The following LINGO1 variants were observed in gnomAD, a reference collection of about 807,000 sequenced individuals.
The protein encoded by LINGO1 is leucine rich repeat and Ig domain containing 1, also known as leucine-rich repeat and immunoglobulin-like domain-containing nogo receptor-interacting protein 1.
A neutral mutation model predicts 37.3 loss-of-function variants in LINGO1; 11 were observed. The ratio of observed to expected loss-of-function variants is 0.29; its 90% CI spans 0.19 to 0.49. The LOEUF (loss-of-function observed/expected upper bound fraction) is 0.49. Ranked by LOEUF, LINGO1 falls within the 20% of genes least tolerant of loss-of-function variation. LINGO1 has a pLI of 0.99. For synonymous variants in LINGO1, 387 were observed against 403.0 expected (o/e 0.96, Z 0.48); for missense variants, 585 against 878.2 (o/e 0.67, Z 4.22).
At chr15:77,763,565 G>A (rs1183970699) in intron 1 of LINGO1, among the ~76,000 whole-genome samples, 2 of 151,922 alleles carry the variant, frequency 1.3e-5, no homozygotes. Context: ...CCACTGCTCT[G>A]CCATTCTCCC....
intron 2 of LINGO1, among the ~76,000 whole-genome samples, chr15:77,793,076 C>A (rs12902298): frequency 6.6e-6 from 1 of 151,868 alleles, no homozygotes; most frequent in African/African-American, 2.4e-5. Flanking sequence ...CATAAGCCAC[C>A]CCCCAGTGAG....
intron 1 of LINGO1, among the ~76,000 whole-genome samples, chr15:77,747,525 G>GT (rs1487951250): frequency 6.6e-6 from 1 of 152,226 alleles, no homozygotes; most frequent in Non-Finnish European, 1.5e-5. Context: ...GGCCCTCTCT[G>GT]TGTCAGAATG....
At chr15:77,700,862 G>A (rs1222687506), upstream of LINGO1, among the ~76,000 whole-genome samples, 2 of 152,112 alleles carry the variant, frequency 1.3e-5, no homozygotes, top group African/African-American at 4.8e-5. Context: ...CCTGCTACCC[G>A]CAGCCTCTCC....
intron 1 of LINGO1, among the ~76,000 whole-genome samples, chr15:77,624,378 TG>T (rs1595999623): frequency 6.6e-6 from 1 of 152,068 alleles, no homozygotes; most frequent in Admixed American, 6.6e-5. Context: ...GGATGCTGAC[TG>T]GGCATGGTGT....
At chr15:77,742,987 G>A (rs1011614427) in intron 1 of LINGO1, among the ~76,000 whole-genome samples, 8 of 152,238 alleles carry the variant, frequency 5.3e-5, no homozygotes, top group Non-Finnish European at 1.0e-4. Flanking sequence ...CAGAACCCAC[G>A]GTGGTGCACG....
chr15:77,684,060 G>A (rs1046204154), intron 2 of LINGO1, among the ~76,000 whole-genome samples: 1 of 152,082 alleles, frequency 6.6e-6, no homozygotes, highest in Non-Finnish European at 1.5e-5. Context: ...CCCTCTTCCT[G>A]GAATGTCCTT....
chr15:77,621,581 G>A (rs1041588526), intron 1 of LINGO1, among the ~76,000 whole-genome samples: 3 of 152,192 alleles, frequency 2.0e-5, no homozygotes, highest in Non-Finnish European at 4.4e-5. Context: ...CCAGGGGAGG[G>A]GCTGTCCTGT....
chr15:77,777,452 C>T (rs2076669835), intron 1 of LINGO1, among the ~76,000 whole-genome samples: 2 of 64,268 alleles, frequency 3.1e-5, no homozygotes, highest in African/African-American at 9.1e-5. Context: ...AGATTTTGGA[C>T]ATATACACAC....
chr15:77,671,585 C>T (rs2075249939), intron 3 of LINGO1, among the ~76,000 whole-genome samples: 1 of 152,172 alleles, frequency 6.6e-6, no homozygotes, highest in South Asian at 2.1e-4. Flanking sequence ...CAGCTTTAGA[C>T]CAGCGGTCCG....
chr15:77,671,459 T>C (rs938083686), intron 3 of LINGO1, among the ~76,000 whole-genome samples: 1 of 152,186 alleles, frequency 6.6e-6, no homozygotes, highest in African/African-American at 2.4e-5. Context: ...AACACAGTGA[T>C]GACGCAGTTG....
rs550481771 is a variant in LINGO1 at position 77,631,775 on chromosome 15, A to G, written c.6+535T>C. On this transcript the variant is annotated intron_variant, in intron 1 of 1. Coordinates refer to ENST00000355300, the MANE Select transcript of LINGO1 (RefSeq NM_032808.7). ...CTTCCTTCCACTCTCCCTACTCCCC[A>G]TCTCCTTTTCACTGGGCAGGAGCTG... Among the ~76,000 whole-genome samples, 6 of 152,124 alleles carry G rather than the reference A, an allele frequency of 3.9e-5. No homozygotes were observed. The South Asian group carries it at 1.2e-3, about 32-fold the overall frequency.
chr15:77,634,925 G>C (rs1246262817), upstream of LINGO1, among the ~76,000 whole-genome samples: 1 of 152,200 alleles, frequency 6.6e-6, no homozygotes, highest in African/African-American at 2.4e-5. Context: ...GCGGGGGCGA[G>C]GGCTATTCCT....
At chr15:77,700,728 G>GGGGC (rs2075771892), upstream of LINGO1, among the ~76,000 whole-genome samples, 1 of 152,226 alleles carries the variant, frequency 6.6e-6, no homozygotes, top group African/African-American at 2.4e-5. Flanking sequence ...TGGGTGAGCA[G>GGGGC]GGGCGGGTAG....
chr15:77,622,974 G>A (rs912376724), intron 1 of LINGO1, among the ~76,000 whole-genome samples: 5 of 152,128 alleles, frequency 3.3e-5, no homozygotes, highest in African/African-American at 1.2e-4. Flanking sequence ...GCACTTCTGC[G>A]GCCTCCTCTC....
chr15:77,715,997 TG>T (rs1267475309), intron 2 of LINGO1, among the ~76,000 whole-genome samples: 1 of 152,188 alleles, frequency 6.6e-6, no homozygotes, highest in African/African-American at 2.4e-5. Context: ...CCTGCAATAA[TG>T]ACGACAAATA....
intron 1 of LINGO1, among the ~76,000 whole-genome samples, chr15:77,771,901 T>G (rs2076589526): frequency 1.3e-5 from 2 of 152,182 alleles, no homozygotes; most frequent in Admixed American, 6.5e-5. Context: ...CTGCCCTCAA[T>G]GGCCCTGAGT....
intron 1 of LINGO1, among the ~76,000 whole-genome samples, chr15:77,761,215 C>T (rs1002715185): frequency 1.3e-5 from 2 of 151,954 alleles, no homozygotes; most frequent in African/African-American, 4.8e-5. Context: ...CAGGTGTGAG[C>T]CACTGCACCT....
rs543868967 is a variant in LINGO1, at chr15:77,630,493, C to T, written c.6+1817G>A. Among the ~76,000 whole-genome samples the T allele has an allele frequency of 3.3e-4, 50 of 152,166 alleles. 1 individual carries two copies. The South Asian group carries it at 0.01, about 32-fold the overall frequency. On this transcript the variant is annotated intron_variant, in intron 1 of 1. Transcript: ENST00000355300. ...AGTCTGGGTTTTAGAAAACAATACC[C>T]AATATAGGAGAAATGGATGCCCAGA...
Position 77,615,709 on chromosome 15 carries a change from G to A in LINGO1, c.198C>T (p.Pro66=), listed in dbSNP as rs370139254. Residue 66 remains proline (P), a synonymous_variant, in exon 2 of 2, where the codon CCC becomes CCT. Coordinates refer to ENST00000355300, the MANE Select transcript of LINGO1 (RefSeq NM_032808.7). The stretch of plus-strand genomic sequence containing the variant: ...GGCGCGTCTCGGTGGGGATGCCCTC[G>A]GGGACTGCCACAAAGCGCTTGCGGT... ...LCHRKRFVAV[P]EGIPTETRLL... 1.7e-5 allele frequency: 27 copies of A among 1,598,268 alleles called. No individual in the cohort carries two copies. The Middle Eastern group carries it at 6.6e-4, about 39-fold the overall frequency.
Sources: gnomAD v4.1 joint callset for allele counts (sites outside exome capture counted in the v4.1 genomes callset) on GRCh38, gnomAD v4.1.1 for gene constraint, MANE v1.5 for transcripts, NCBI Gene and HGNC (gene_info 2026-07-23, HGNC 2026-07-21) for gene names.